The following NHERF1 variants were observed in gnomAD, a reference collection of about 807,000 sequenced individuals.
NHERF1 encodes NHERF family PDZ scaffold protein 1.
the NHERF1 span, among the ~76,000 whole-genome samples, chr17:74,751,544 C>G: frequency 3.9e-5 from 6 of 152,234 alleles, no homozygotes; most frequent in Admixed American, 3.3e-4. This position sits in a 1 kb window ranked among gnomAD's most constrained non-coding sequence, Gnocchi z 4.3. Context: ...CAGAACCACT[C>G]AGGGCAGAGG....
the NHERF1 span, among the ~76,000 whole-genome samples, chr17:74,765,250 C>T: frequency 1.3e-5 from 2 of 152,002 alleles, no homozygotes; most frequent in South Asian, 4.1e-4. Flanking sequence ...ATTATTTTCT[C>T]TTTTTTTCTT....
chr17:74,748,851 G>A, the NHERF1 span: 22 of 1,592,144 alleles, frequency 1.4e-5, no homozygotes, highest in Middle Eastern at 5.0e-4. The surrounding 1 kb of genome is among the most constrained non-coding windows in gnomAD (Gnocchi z 4.3). Flanking sequence ...GGCGAGATGA[G>A]CGCGGACGCA....
the NHERF1 span, chr17:74,768,491 A>G: frequency 6.2e-7 from 1 of 1,613,984 alleles, no homozygotes; most frequent in Non-Finnish European, 8.5e-7. Flanking sequence ...ACAGCCCCCC[A>G]AAACAGGACT....
chr17:74,761,261 C>G, the NHERF1 span, among the ~76,000 whole-genome samples: 47 of 152,340 alleles, frequency 3.1e-4, 3 homozygotes, highest in East Asian at 8.1e-3. This position sits in a 1 kb window ranked among gnomAD's most constrained non-coding sequence, Gnocchi z 4.3. Context: ...CATTCAGGCT[C>G]CTCTGTTTCT....
the NHERF1 span, among the ~76,000 whole-genome samples, chr17:74,766,301 A>T: frequency 9.2e-5 from 14 of 151,930 alleles, no homozygotes; most frequent in Admixed American, 3.9e-4. Flanking sequence ...GGTTCAAACA[A>T]TTTTCCCACC....
At chr17:74,754,322 G>A in the NHERF1 span, among the ~76,000 whole-genome samples, 1 of 151,536 alleles carries the variant, frequency 6.6e-6, no homozygotes, top group South Asian at 2.1e-4. Context: ...AAACAGGTTT[G>A]TACAGTGCCT....
the NHERF1 span, among the ~76,000 whole-genome samples, chr17:74,758,914 C>T: frequency 1.3e-5 from 2 of 152,196 alleles, no homozygotes; most frequent in Non-Finnish European, 2.9e-5. The surrounding 1 kb of genome is among the most constrained non-coding windows in gnomAD (Gnocchi z 4.3). Context: ...CCCCAAGGGA[C>T]TCCCCTGCCA....
chr17:74,748,838 C>CAGGGCG, the NHERF1 span: 1 of 1,587,594 alleles, frequency 6.3e-7, no homozygotes, highest in Non-Finnish European at 8.5e-7. The surrounding 1 kb of genome is among the most constrained non-coding windows in gnomAD (Gnocchi z 4.3). Context: ...TGACCCGTCG[C>CAGGGCG]AGGGCGAGAT....
the NHERF1 span, chr17:74,749,406 A>G: frequency 2.0e-6 from 2 of 1,009,390 alleles, no homozygotes; most frequent in Non-Finnish European, 2.8e-6. This position sits in a 1 kb window ranked among gnomAD's most constrained non-coding sequence, Gnocchi z 5.6. Flanking sequence ...TCGAGCTGCG[A>G]GGGGGAGACC....
At chr17:74,768,380 C>T in the NHERF1 span, 2 of 1,496,722 alleles carry the variant, frequency 1.3e-6, no homozygotes, top group African/African-American at 1.4e-5. Flanking sequence ...TGGGCACGGC[C>T]CCAACGGAGC....
the NHERF1 span, chr17:74,768,174 G>A: frequency 1.9e-6 from 3 of 1,613,014 alleles, no homozygotes; most frequent in African/African-American, 1.3e-5. Context: ...CCTGGCAGAG[G>A]CAGCCTTGGA....
the NHERF1 span, chr17:74,763,259 A>G: frequency 9.1e-7 from 1 of 1,100,732 alleles, no homozygotes; most frequent in Non-Finnish European, 1.3e-6. Flanking sequence ...TGTGAACTGC[A>G]AACTGGCTGA....
chr17:74,766,029 A>G, the NHERF1 span, among the ~76,000 whole-genome samples: 1 of 152,194 alleles, frequency 6.6e-6, no homozygotes, highest in East Asian at 1.9e-4. Context: ...CTTCCCACGT[A>G]GGAGTTCCCA....
the NHERF1 span, chr17:74,763,473 A>T: frequency 6.2e-7 from 1 of 1,611,698 alleles, no homozygotes; most frequent in Non-Finnish European, 8.5e-7. Flanking sequence ...GAAACTGACG[A>T]GTTCTTCAAG....
chr17:74,768,190 C>T, the NHERF1 span: 5 of 1,613,790 alleles, frequency 3.1e-6, no homozygotes, highest in Admixed American at 1.7e-5. Flanking sequence ...TTGGAGAGCC[C>T]CAGGCCAGCC....
chr17:74,761,119 A>C, the NHERF1 span, among the ~76,000 whole-genome samples: 1 of 152,228 alleles, frequency 6.6e-6, no homozygotes, highest in Non-Finnish European at 1.5e-5. This position sits in a 1 kb window ranked among gnomAD's most constrained non-coding sequence, Gnocchi z 4.3. Flanking sequence ...TGGACCAAGC[A>C]TGTTGGAAAC....
the NHERF1 span, among the ~76,000 whole-genome samples, chr17:74,765,343 A>G: frequency 2.0e-5 from 3 of 147,112 alleles, no homozygotes; most frequent in South Asian, 6.5e-4. Context: ...TCACAGCAAC[A>G]TCTGCCCCTA....
At chr17:74,754,150 T>TGA in the NHERF1 span, among the ~76,000 whole-genome samples, 2 of 150,938 alleles carry the variant, frequency 1.3e-5, no homozygotes, top group African/African-American at 4.9e-5. Context: ...AGCAGCAGAG[T>TGA]GAGACTCATC....
chr17:74,762,325 A>G, the NHERF1 span: 1 of 430,988 alleles, frequency 2.3e-6, no homozygotes. The surrounding 1 kb of genome is among the most constrained non-coding windows in gnomAD (Gnocchi z 4.2). Flanking sequence ...GGAGGGAGGG[A>G]GGGAAGGGTG....
Sources: allele counts gnomAD v4.1 joint callset (sites outside exome capture counted in the v4.1 genomes callset), GRCh38; gene constraint gnomAD v4.1.1; non-coding constraint Gnocchi (gnomAD v3.1); transcripts MANE v1.5; gene names NCBI Gene and HGNC (gene_info 2026-07-23, HGNC 2026-07-21).